LPP: variants seen among roughly 807,000 people sequenced by gnomAD.
LPP encodes lipoma-preferred partner.
LPP carries 38 observed loss-of-function variants against 60.4 expected under a neutral mutation model. The observed-to-expected ratio is 0.63, with a 90% CI of 0.49 to 0.83. The LOEUF is 0.83. Ranked by LOEUF, LPP falls within the 40% of genes least tolerant of loss-of-function variation. The pLI is 0.00. For synonymous variants in LPP, 328 were observed against 290.8 expected (o/e 1.13, Z -1.30); for missense variants, 902 against 783.6 (o/e 1.15, Z -1.80).
chr3:188,811,351 TACACACAC>T (rs58445393), intron 9 of LPP, among the ~76,000 whole-genome samples: 3,275 of 144,960 alleles, frequency 0.023, 95 homozygotes, highest in African/African-American at 0.068. Context: ...AAGTGCTGTA[TACACACAC>T]ACACACACAC....
At chr3:188,170,329 CTT>C (rs34760455) in intron 1 of LPP, among the ~76,000 whole-genome samples, 391 of 96,444 alleles carry the variant, frequency 4.1e-3, no homozygotes, top group African/African-American at 9.1e-3. Context: ...CTTTTCTTTT[CTT>C]TTTTTTTTTT....
At chr3:188,457,399 G>A (rs886783804) in intron 4 of LPP, among the ~76,000 whole-genome samples, 1 of 152,158 alleles carries the variant, frequency 6.6e-6, no homozygotes, top group Non-Finnish European at 1.5e-5. Context: ...CTGGGTGCCA[G>A]TCTAGTTCCA....
chr3:188,320,340 G>A (rs1006613872), intron 2 of LPP, among the ~76,000 whole-genome samples: 2 of 152,152 alleles, frequency 1.3e-5, no homozygotes, highest in Non-Finnish European at 2.9e-5. Flanking sequence ...AGAAAATTTG[G>A]TTAGGACCTG....
At chr3:188,535,400 T>C (rs1823300455) in intron 6 of LPP, among the ~76,000 whole-genome samples, 2 of 152,182 alleles carry the variant, frequency 1.3e-5, no homozygotes, top group African/African-American at 4.8e-5. Context: ...GGCAAGGTTA[T>C]CATTTGTTTT....
At chr3:188,747,321 T>C (rs904721289) in intron 8 of LPP, among the ~76,000 whole-genome samples, 6 of 152,320 alleles carry the variant, frequency 3.9e-5, no homozygotes, top group Non-Finnish European at 8.8e-5. Context: ...TGAGAAGTAA[T>C]GAGAGCCAGT....
chr3:188,371,641 A>ATATATATAT lies in LPP; in HGVS notation c.-10+29923_-10+29924insATATATATT, dbSNP rs1553878071. Among the ~76,000 whole-genome samples the ATATATATAT allele has an allele frequency of 1.6e-4, 5 of 32,174 alleles. 1 individual carries two copies. The highest frequency in any genetic ancestry group is 6.4e-4 in the Admixed American group (1 of 1,554). 21.1% of individuals were successfully genotyped at this position (32,174 alleles called of 152,430 possible). ...AATATATATATATATATATATATAT[A>ATATATATAT]TTTTTTTTTTTTTTTTTTTTTTTTT... On this transcript the variant is annotated intron_variant, in intron 3 of 11. Coordinates refer to ENST00000617246, the MANE Select transcript of LPP (RefSeq NM_001375462.1).
Position 188,607,442 on chromosome 3 carries a change from C to T in LPP, c.430-1719C>T, listed in dbSNP as rs147875866. 2.0e-4 allele frequency among the ~76,000 whole-genome samples: 24 copies of T among 122,190 alleles called. No individual in the cohort carries two copies. In the East Asian group the frequency reaches 4.7e-3, roughly 24 times the overall value. 80.2% of individuals were successfully genotyped at this position (122,190 alleles called of 152,430 possible). ...AATTTTTTTTTCCTTTGCAGTTTTA[C>T]GTGCCTTACATCACGGGAGCTGGAA... On this transcript the variant is annotated intron_variant, in intron 6 of 11. Transcript: ENST00000617246.
intron 9 of LPP, among the ~76,000 whole-genome samples, chr3:188,839,382 T>C (rs1181576054): frequency 1.3e-5 from 2 of 152,250 alleles, no homozygotes; most frequent in South Asian, 2.1e-4. Flanking sequence ...GGATAACTGA[T>C]GTTTATTCTG....
intron 9 of LPP, among the ~76,000 whole-genome samples, chr3:188,837,995 C>A (rs980838019): frequency 6.6e-6 from 1 of 152,094 alleles, no homozygotes; most frequent in Non-Finnish European, 1.5e-5. Context: ...TTGCTCTATG[C>A]AAACTCAACA....
intron 3 of LPP, among the ~76,000 whole-genome samples, chr3:188,380,039 A>AT (rs1776440905): frequency 1.3e-5 from 2 of 152,064 alleles, no homozygotes; most frequent in Non-Finnish European, 2.9e-5. Context: ...AGAGATGTGT[A>AT]TTTTTCTCCC....
intron 3 of LPP, among the ~76,000 whole-genome samples, chr3:188,368,382 T>C (rs1314579462): frequency 3.2e-4 from 2 of 6,162 alleles, no homozygotes; most frequent in Non-Finnish European, 2.9e-4. Flanking sequence ...TTGACCATCA[T>C]GGCTTTTTTT....
intron 3 of LPP, among the ~76,000 whole-genome samples, chr3:188,357,428 T>C (rs960325309): frequency 6.6e-6 from 1 of 152,098 alleles, no homozygotes; most frequent in African/African-American, 2.4e-5. Flanking sequence ...TGCTGAACTC[T>C]TTCTCACAAT....
chr3:188,425,055 C>T (rs548738938), intron 4 of LPP, among the ~76,000 whole-genome samples: 1 of 152,148 alleles, frequency 6.6e-6, no homozygotes. Flanking sequence ...AGCTTTTGCC[C>T]ATTTAGTATG....
At chr3:188,355,573 C>T (rs895689764) in intron 3 of LPP, among the ~76,000 whole-genome samples, 5 of 151,970 alleles carry the variant, frequency 3.3e-5, no homozygotes, top group Middle Eastern at 6.8e-3. Flanking sequence ...GAAAAGGTTT[C>T]GTGTATTATA....
Position 188,334,417 on chromosome 3 carries a change from T to C in LPP, c.-66-7246T>C, listed in dbSNP as rs911803318. 2.0e-4 allele frequency among the ~76,000 whole-genome samples: 27 copies of C among 135,604 alleles called. 1 individual carries two copies. Among genetic ancestry groups the C allele is most frequent in the Non-Finnish European group, 3.1e-4 (20 of 64,732 alleles). 89.0% of individuals were successfully genotyped at this position (135,604 alleles called of 152,430 possible). A position where few individuals can be genotyped will look rare whatever the true frequency, so the allele number is the denominator to read the frequency against. On this transcript the variant is annotated intron_variant, in intron 2 of 11. Transcript: ENST00000617246. ...TGGGATTGCTGGATCTTACGATATT[T>C]CTTTCTTTTTTTTTTTTTTTTTTTT...
chr3:188,678,512 A>G (rs1858644922), intron 7 of LPP, among the ~76,000 whole-genome samples: 1 of 152,228 alleles, frequency 6.6e-6, no homozygotes, highest in South Asian at 2.1e-4. Context: ...AAAATCTGTG[A>G]AGGTTTTTAG....
intron 2 of LPP, among the ~76,000 whole-genome samples, chr3:188,332,694 C>T (rs1760447222): frequency 6.6e-6 from 1 of 152,214 alleles, no homozygotes; most frequent in African/African-American, 2.4e-5. Flanking sequence ...AGATATAAAA[C>T]TAGGCATTAT....
chr3:188,737,948 C>T (rs535083380), intron 8 of LPP, among the ~76,000 whole-genome samples: 139 of 152,270 alleles, frequency 9.1e-4, no homozygotes, highest in African/African-American at 3.1e-3. Flanking sequence ...GCCACTTAAT[C>T]AACATGCTAT....
intron 4 of LPP, among the ~76,000 whole-genome samples, chr3:188,446,709 T>C (rs1284414019): frequency 6.6e-6 from 1 of 152,200 alleles, no homozygotes; most frequent in African/African-American, 2.4e-5. Flanking sequence ...GCTCCTGCTT[T>C]CTTCAAAAAA....
Sources: allele counts gnomAD v4.1 joint callset (sites outside exome capture counted in the v4.1 genomes callset), GRCh38; gene constraint gnomAD v4.1.1; transcripts MANE v1.5; gene names NCBI Gene and HGNC (gene_info 2026-07-23, HGNC 2026-07-21).